TLL1: variants seen among roughly 807,000 people sequenced by gnomAD.
TLL1 encodes tolloid like 1, also known as tolloid-like protein 1.
In TLL1, 49 loss-of-function variants were observed where a neutral mutation model predicts 128.2. The ratio of observed to expected loss-of-function variants is 0.38; its 90% CI spans 0.30 to 0.48. The LOEUF (loss-of-function observed/expected upper bound fraction) is 0.48, where lower values mean the gene tolerates loss of function less well. Ranked by LOEUF, TLL1 falls within the 20% of genes least tolerant of loss-of-function variation. The probability of loss-of-function intolerance (pLI) is 0.96; values close to 1 mark genes in which losing one functional copy is unlikely to be tolerated. For missense variants in TLL1, 1,123 were observed against 1,242.0 expected (o/e 0.90, Z 1.44); for synonymous variants, 454 against 418.8 (o/e 1.08, Z -1.03).
chr4:165,998,483 T>A (rs993095549), intron 5 of TLL1, among the ~76,000 whole-genome samples: 4 of 152,138 alleles, frequency 2.6e-5, no homozygotes, highest in African/African-American at 9.7e-5. Context: ...TCTATTTGAT[T>A]ATTCAGGTTA....
chr4:165,966,645 A>G (rs945085331), intron 1 of TLL1, among the ~76,000 whole-genome samples: 1 of 152,134 alleles, frequency 6.6e-6, no homozygotes, highest in Non-Finnish European at 1.5e-5. Context: ...TGGGGGAGAC[A>G]TCACATGTCG....
chr4:166,066,028 CTT>C (rs1740559315), intron 16 of TLL1, among the ~76,000 whole-genome samples, 165 bp downstream of exon 16: 1 of 26,606 alleles, frequency 3.8e-5, no homozygotes. Context: ...TATACAGTGA[CTT>C]TACTCTTTAC....
intron 1 of TLL1, among the ~76,000 whole-genome samples, chr4:165,893,268 T>C (rs185666193): frequency 6.6e-6 from 1 of 152,144 alleles, no homozygotes. Context: ...CTGAAACAAC[T>C]AAGAAACTGG....
chr4:165,878,781 G>A (rs1730834258), intron 1 of TLL1, among the ~76,000 whole-genome samples: 1 of 152,112 alleles, frequency 6.6e-6, no homozygotes, highest in South Asian at 2.1e-4. Context: ...TCAAGTAGGT[G>A]CCCAGTCAAC....
intron 19 of TLL1, among the ~76,000 whole-genome samples, chr4:166,095,518 T>C (rs1741978759): frequency 6.6e-6 from 1 of 152,106 alleles, no homozygotes; most frequent in Admixed American, 6.6e-5. Context: ...CATTTTCTCT[T>C]GGGACTTCTT....
At chr4:165,972,639 T>C (rs1473293315) in intron 1 of TLL1, among the ~76,000 whole-genome samples, 1 of 152,204 alleles carries the variant, frequency 6.6e-6, no homozygotes, top group Non-Finnish European at 1.5e-5. Context: ...CTATTAACTA[T>C]CTCATAACTC....
intron 8 of TLL1, among the ~76,000 whole-genome samples, chr4:166,023,370 A>G (rs1304084472): frequency 6.6e-6 from 1 of 152,234 alleles, no homozygotes; most frequent in East Asian, 1.9e-4. Flanking sequence ...ACTGCACTCC[A>G]GCCTGGGTGA....
chr4:165,978,530 C>T (rs1204023517), intron 1 of TLL1, among the ~76,000 whole-genome samples: 2 of 152,012 alleles, frequency 1.3e-5, no homozygotes, highest in African/African-American at 4.8e-5. Context: ...CTGCCTACCA[C>T]CAATAATATG....
intron 1 of TLL1, among the ~76,000 whole-genome samples, chr4:165,938,652 G>T (rs1302890432): frequency 6.6e-6 from 1 of 152,072 alleles, no homozygotes; most frequent in African/African-American, 2.4e-5. Flanking sequence ...ACAAATTACA[G>T]TCATTTAACT....
intron 18 of TLL1, among the ~76,000 whole-genome samples, chr4:166,083,724 T>C (rs2111148492): frequency 1.5e-5 from 1 of 65,416 alleles, no homozygotes. Flanking sequence ...AAGATTTCCT[T>C]CATTTTGTGG....
intron 10 of TLL1, among the ~76,000 whole-genome samples, chr4:166,041,304 CTT>C (rs754411284): frequency 3.1e-4 from 16 of 52,174 alleles, no homozygotes; most frequent in East Asian, 4.9e-4. Flanking sequence ...TTCTTTCTTT[CTT>C]TTTTTTTTTT....
intron 7 of TLL1, among the ~76,000 whole-genome samples, chr4:166,013,504 A>C (rs192084084): frequency 6.6e-6 from 1 of 151,716 alleles, no homozygotes; most frequent in East Asian, 1.9e-4. Context: ...GATATTATAA[A>C]ATTTTATTTC....
At chr4:165,887,801 T>C (rs1463438183) in intron 1 of TLL1, among the ~76,000 whole-genome samples, 2 of 152,214 alleles carry the variant, frequency 1.3e-5, no homozygotes, top group South Asian at 2.1e-4. Context: ...ACATGGTATA[T>C]ATCTGTATTT....
At chr4:165,995,006 G>A in intron 4 of TLL1, 55 bp from the exon 5 acceptor site, 1 of 1,432,814 alleles carries the variant, frequency 7.0e-7, no homozygotes, top group Middle Eastern at 1.8e-4. Flanking sequence ...GATGCAGCAA[G>A]AAGCATTCTT....
chr4:165,936,897 C>T (rs1307131881), intron 1 of TLL1, among the ~76,000 whole-genome samples: 1 of 152,126 alleles, frequency 6.6e-6, no homozygotes, highest in Non-Finnish European at 1.5e-5. Flanking sequence ...GGCCCCACTG[C>T]ACCCCAGCCT....
intron 1 of TLL1, among the ~76,000 whole-genome samples, chr4:165,945,721 A>C (rs777945494): frequency 2.0e-5 from 3 of 152,176 alleles, no homozygotes; most frequent in Non-Finnish European, 2.9e-5. Context: ...CAGATATCTC[A>C]AAAAATGGCA....
At chr4:165,893,588 A>G (rs1731515015) in intron 1 of TLL1, among the ~76,000 whole-genome samples, 1 of 152,150 alleles carries the variant, frequency 6.6e-6, no homozygotes, top group Admixed American at 6.5e-5. Context: ...ATCCAACCCA[A>G]AGATTTACCT....
chr4:165,944,787 T>C (rs754410178), intron 1 of TLL1, among the ~76,000 whole-genome samples: 1 of 152,068 alleles, frequency 6.6e-6, no homozygotes, highest in Admixed American at 6.6e-5. Context: ...GTGAGATTTC[T>C]GCAGATGTGT....
At chr4:166,055,009 A>G (rs931988615) in intron 12 of TLL1, 67 bp from the exon 13 acceptor site, 1 of 1,334,386 alleles carries the variant, frequency 7.5e-7, no homozygotes, top group Non-Finnish European at 1.0e-6. Context: ...CTGAGAAGAC[A>G]TCTATCCTCC....
Sources: allele counts gnomAD v4.1 joint callset (sites outside exome capture counted in the v4.1 genomes callset), GRCh38; gene constraint gnomAD v4.1.1; transcripts MANE v1.5; gene names NCBI Gene and HGNC (gene_info 2026-07-23, HGNC 2026-07-21).